LAMA2: variants seen among roughly 807,000 people sequenced by gnomAD.
LAMA2 encodes the protein laminin subunit alpha-2.
Under a neutral mutation model 364.8 loss-of-function variants are expected in LAMA2, and 269 were observed. The observed-to-expected ratio is 0.74, with a 90% confidence interval of 0.67 to 0.82. LAMA2 has a LOEUF of 0.82. Among genes scored for constraint, LAMA2 ranks in the 40% least tolerant of loss-of-function variants. The pLI, the probability that LAMA2 is intolerant of heterozygous loss-of-function variation, is 0.00. For missense variants in LAMA2, 3,807 were observed against 3,873.2 expected, an observed-to-expected ratio of 0.98 and a Z score of 0.45; for synonymous variants, 1,379 against 1,370.6, an observed-to-expected ratio of 1.01 and a Z score of -0.14.
intron 1 of LAMA2, among the ~76,000 whole-genome samples, chr6:128,919,082 C>T (rs1331628680): frequency 5.3e-5 from 8 of 152,174 alleles, no homozygotes; most frequent in Non-Finnish European, 1.5e-5. Flanking sequence ...GATGTTTCTC[C>T]TCTCCCATCA....
intron 1 of LAMA2, among the ~76,000 whole-genome samples, chr6:129,027,293 G>A (rs9372915): frequency 0.62 from 93,940 of 151,826 alleles, 32,003 homozygotes; most frequent in East Asian, 0.96. Flanking sequence ...GAATGAATGC[G>A]TATGTTAGAA....
chr6:129,270,112 A>G (rs933713737), intron 16 of LAMA2, among the ~76,000 whole-genome samples: 1 of 152,108 alleles, frequency 6.6e-6, no homozygotes, highest in Non-Finnish European at 1.5e-5. Flanking sequence ...CACTGAGGCC[A>G]AAATTCATGT....
intron 4 of LAMA2, among the ~76,000 whole-genome samples, chr6:129,119,014 A>G (rs916512581): frequency 6.6e-6 from 1 of 152,228 alleles, no homozygotes; most frequent in African/African-American, 2.4e-5. Context: ...ATTATATGAG[A>G]ATTGTTTTGG....
At position 129,172,294 on chromosome 6, in the gene LAMA2, A is replaced by G. The variant is rs1345137449; in HGVS notation, c.1307-5412A>G. Among the ~76,000 whole-genome samples the G allele has an allele frequency of 2.6e-5, 4 of 151,930 alleles. No homozygotes were observed. The South Asian group carries it at 6.2e-4, about 24-fold the overall frequency. The stretch of plus-strand genomic sequence containing the variant: ...AGTTTTTCTGTTCTGTTTTTTCCCC[A>G]TCTTTGTGGTTTTATCTACTTTTGG... On this transcript the variant is annotated intron_variant, in intron 9 of 64. Transcript: ENST00000421865.
chr6:128,970,652 T>C (rs1289649218), intron 1 of LAMA2, among the ~76,000 whole-genome samples: 1 of 152,190 alleles, frequency 6.6e-6, no homozygotes, highest in African/African-American at 2.4e-5. Context: ...AATAGAAAAT[T>C]CAATTGTGGA....
At chr6:129,197,496 A>T (rs1781920539) in intron 12 of LAMA2, among the ~76,000 whole-genome samples, 1 of 152,190 alleles carries the variant, frequency 6.6e-6, no homozygotes, top group South Asian at 2.1e-4. Flanking sequence ...TCGCTTCAAG[A>T]TGTCCTACTT....
chr6:129,089,834 T>A (rs1465346736), intron 3 of LAMA2, among the ~76,000 whole-genome samples: 1 of 152,184 alleles, frequency 6.6e-6, no homozygotes, highest in Non-Finnish European at 1.5e-5. Flanking sequence ...ATTTGGACTC[T>A]GCTCACTCGT....
At chr6:129,142,036 G>T (rs1778150152) in intron 4 of LAMA2, among the ~76,000 whole-genome samples, 1 of 152,030 alleles carries the variant, frequency 6.6e-6, no homozygotes, top group Non-Finnish European at 1.5e-5. Context: ...CTATCTGTAT[G>T]TTGAGAGATT....
At chr6:129,226,133 T>C (rs140333324) in intron 12 of LAMA2, among the ~76,000 whole-genome samples, 112 of 152,344 alleles carry the variant, frequency 7.4e-4, no homozygotes, top group African/African-American at 2.6e-3. Flanking sequence ...TAATGTCTGT[T>C]TTATCAGAGA....
chr6:129,265,725 G>A (rs1787460717), intron 15 of LAMA2, among the ~76,000 whole-genome samples: 1 of 151,590 alleles, frequency 6.6e-6, no homozygotes, highest in African/African-American at 2.4e-5. Context: ...GAGGGTGGGG[G>A]GCTAGGGGAA....
chr6:129,427,725 G>A (rs1200748437), intron 40 of LAMA2, 27 bp from the exon 41 acceptor site: 1 of 1,506,102 alleles, frequency 6.6e-7, no homozygotes, highest in African/African-American at 1.4e-5. Flanking sequence ...GGTTTTAGAT[G>A]TATGACATTT....
At position 129,006,980 on chromosome 6, in the gene LAMA2, T is replaced by C. The variant is rs552715427; in HGVS notation, c.113-42938T>C. The stretch of plus-strand genomic sequence containing the variant: ...ACCTTTTAAGAATTTCCTGAAGCTC[T>C]CCCTGACATCCTGATTCCTGAACAA... On this transcript the variant is annotated intron_variant, in intron 1 of 64. Coordinates refer to ENST00000421865, the MANE Select transcript of LAMA2 (RefSeq NM_000426.4). Among the ~76,000 whole-genome samples the C allele has an allele frequency of 1.2e-4, 18 of 152,238 alleles. No individual in the cohort carries two copies. The East Asian group carries it at 2.7e-3, about 23-fold the overall frequency.
At chr6:129,330,593 TTTTTG>T (rs1400597195) in intron 29 of LAMA2, among the ~76,000 whole-genome samples, 8 of 61,376 alleles carry the variant, frequency 1.3e-4, no homozygotes, top group Admixed American at 1.9e-4. Flanking sequence ...TGTTGTTTGG[TTTTTG>T]TTTTTTTTTT....
chr6:129,044,854 T>C (rs915485634), intron 1 of LAMA2, among the ~76,000 whole-genome samples: 1 of 152,142 alleles, frequency 6.6e-6, no homozygotes, highest in African/African-American at 2.4e-5. Flanking sequence ...CAGCTATTTA[T>C]AGTTAATTTA....
chr6:129,251,590 A>G (rs1562379891), intron 13 of LAMA2, among the ~76,000 whole-genome samples: 1 of 152,304 alleles, frequency 6.6e-6, no homozygotes, highest in African/African-American at 2.4e-5. Flanking sequence ...CCCTTCATGT[A>G]TACCACAAAT....
chr6:129,383,046 G>A (rs1778783332), intron 34 of LAMA2, 76 bp from the exon 35 acceptor site: 1 of 1,173,370 alleles, frequency 8.5e-7, no homozygotes, highest in African/African-American at 1.5e-5. Flanking sequence ...GAAAGAAAAT[G>A]CAGCCAGTGG....
intron 1 of LAMA2, among the ~76,000 whole-genome samples, chr6:128,983,482 A>G (rs1251196051): frequency 1.3e-5 from 2 of 152,166 alleles, no homozygotes. Flanking sequence ...ATTTCTAGTA[A>G]ATTCATGTTT....
chr6:128,926,221 C>CT (rs1779085419), intron 1 of LAMA2, among the ~76,000 whole-genome samples: 1 of 151,910 alleles, frequency 6.6e-6, no homozygotes, highest in South Asian at 2.1e-4. Flanking sequence ...TTCCACAACT[C>CT]TGAGTTTTCT....
At chr6:129,042,475 T>G (rs1203132293) in intron 1 of LAMA2, among the ~76,000 whole-genome samples, 1 of 152,190 alleles carries the variant, frequency 6.6e-6, no homozygotes, top group Non-Finnish European at 1.5e-5. Flanking sequence ...TATCATTAAC[T>G]GGAGTTAAAT....
Sources: gnomAD v4.1 joint callset for allele counts (sites outside exome capture counted in the v4.1 genomes callset) on GRCh38, gnomAD v4.1.1 for gene constraint, MANE v1.5 for transcripts, NCBI Gene and HGNC (gene_info 2026-07-23, HGNC 2026-07-21) for gene names.